Variants in PDSS2 observed in about 807,000 individuals in gnomAD.
PDSS2 encodes decaprenyl diphosphate synthase subunit 2.
PDSS2 carries 31 observed loss-of-function variants against 44.5 expected under a neutral mutation model. The ratio of observed to expected loss-of-function variants is 0.70; its 90% CI spans 0.52 to 0.94. The LOEUF is 0.94. PDSS2 is among the 40% of genes least tolerant of loss of function. The pLI is 0.00. For missense variants in PDSS2, 452 were observed against 482.2 expected (o/e 0.94, Z 0.59); for synonymous variants, 157 against 180.3 (o/e 0.87, Z 1.03).
At chr6:107,302,140 T>C (rs1776716520) in intron 2 of PDSS2, among the ~76,000 whole-genome samples, 2 of 152,182 alleles carry the variant, frequency 1.3e-5, no homozygotes, top group Non-Finnish European at 2.9e-5. Context: ...TAGCCTTCAA[T>C]GAGACTATTC....
At chr6:107,431,689 G>GA (rs900279660) in intron 1 of PDSS2, among the ~76,000 whole-genome samples, 3 of 150,012 alleles carry the variant, frequency 2.0e-5, no homozygotes, top group Non-Finnish European at 4.5e-5. Flanking sequence ...CTTGGGCAAA[G>GA]AAAAAAAAAG....
intron 4 of PDSS2, among the ~76,000 whole-genome samples, chr6:107,227,928 T>G (rs1222058876): frequency 6.6e-6 from 1 of 152,138 alleles, no homozygotes; most frequent in Non-Finnish European, 1.5e-5. Flanking sequence ...TGACCCAGGA[T>G]GGAGATAAAA....
At chr6:107,307,714 T>C (rs1776907480) in intron 2 of PDSS2, among the ~76,000 whole-genome samples, 1 of 152,176 alleles carries the variant, frequency 6.6e-6, no homozygotes. Context: ...TTGCTACCAT[T>C]ATTGTCTTCC....
chr6:107,226,006 C>T (rs1025465809), intron 4 of PDSS2, among the ~76,000 whole-genome samples: 25 of 152,140 alleles, frequency 1.6e-4, no homozygotes, highest in Non-Finnish European at 2.4e-4. Flanking sequence ...ATTGGATAAC[C>T]GCACAAAGAA....
chr6:107,389,954 T>A (rs945347637), intron 1 of PDSS2, among the ~76,000 whole-genome samples: 6 of 152,016 alleles, frequency 3.9e-5, no homozygotes, highest in Non-Finnish European at 8.8e-5. Context: ...AAGGATGGGG[T>A]TATGTCAAAG....
chr6:107,185,295 G>A (rs1772129477), intron 7 of PDSS2, among the ~76,000 whole-genome samples: 2 of 152,176 alleles, frequency 1.3e-5, no homozygotes, highest in Middle Eastern at 3.2e-3. Context: ...CCTAGGCACT[G>A]GTGAAAGAAT....
intron 1 of PDSS2, among the ~76,000 whole-genome samples, chr6:107,359,007 C>CTTTTTTTTT (rs59632305): frequency 2.3e-4 from 21 of 93,052 alleles, no homozygotes; most frequent in East Asian, 7.1e-4. Context: ...CATTCTCGCT[C>CTTTTTTTTT]TTTTTTTTTT....
intron 1 of PDSS2, among the ~76,000 whole-genome samples, chr6:107,380,755 C>T (rs572564857): frequency 1.3e-5 from 2 of 152,194 alleles, no homozygotes; most frequent in East Asian, 3.9e-4. Flanking sequence ...AGCGGTTTCC[C>T]CTGAGACCTC....
chr6:107,162,729 C>G (rs945955420), intron 7 of PDSS2, among the ~76,000 whole-genome samples: 4 of 151,178 alleles, frequency 2.6e-5, no homozygotes, highest in Admixed American at 2.6e-4. Context: ...CTCAGCCTCC[C>G]GAGTAGCTGG....
chr6:107,237,887 C>A (rs1353108597), intron 4 of PDSS2, among the ~76,000 whole-genome samples: 3 of 142,320 alleles, frequency 2.1e-5, no homozygotes, highest in Admixed American at 1.4e-4. Flanking sequence ...CAGAGCAAGA[C>A]TCCGTCTCTG....
intron 3 of PDSS2, among the ~76,000 whole-genome samples, chr6:107,250,130 A>T (rs1399655902): frequency 6.6e-6 from 1 of 152,098 alleles, no homozygotes; most frequent in Non-Finnish European, 1.5e-5. Flanking sequence ...AATTCTCATC[A>T]TAAAAAACAG....
At chr6:107,237,011 G>A (rs927476174) in intron 4 of PDSS2, among the ~76,000 whole-genome samples, 2 of 151,144 alleles carry the variant, frequency 1.3e-5, no homozygotes, top group African/African-American at 2.4e-5. Flanking sequence ...TATACTCACT[G>A]CAGCCTCAAC....
At chr6:107,315,053 A>G (rs1777159389) in intron 2 of PDSS2, among the ~76,000 whole-genome samples, 1 of 152,364 alleles carries the variant, frequency 6.6e-6, no homozygotes, top group South Asian at 2.1e-4. Context: ...ACATTAACTT[A>G]TTTTTAAACA....
chr6:107,225,722 T>C (rs570026772), intron 4 of PDSS2, among the ~76,000 whole-genome samples: 3 of 152,338 alleles, frequency 2.0e-5, no homozygotes, highest in Admixed American at 2.0e-4. Flanking sequence ...TTGATCTGCA[T>C]ACTAACCAGC....
intron 7 of PDSS2, among the ~76,000 whole-genome samples, chr6:107,187,372 T>C (rs574363837): frequency 6.6e-6 from 1 of 152,206 alleles, no homozygotes; most frequent in South Asian, 2.1e-4. Context: ...ACACAGTCAA[T>C]ATACTCTTAA....
chr6:107,356,070 T>C (rs142307325), intron 1 of PDSS2, among the ~76,000 whole-genome samples: 14 of 152,346 alleles, frequency 9.2e-5, no homozygotes, highest in Non-Finnish European at 1.5e-4. Flanking sequence ...CATTATTTGG[T>C]ATAGTAAATT....
Position 107,334,349 on chromosome 6 carries a change from A to G in PDSS2, c.297-17T>C. The G allele has an allele frequency of 6.2e-7, 1 of 1,612,056 alleles. No individual in the cohort carries two copies. Among genetic ancestry groups the G allele is most frequent in the Non-Finnish European group, 8.5e-7 (1 of 1,178,402 alleles). ...ACAAGCCCCCTGCCAACAAGCAAAG[A>G]AGGAAGAGGATTAATATACCCTCAC... On this transcript the variant is annotated splice_polypyrimidine_tract_variant and intron_variant, in intron 1 of 7. Transcript: ENST00000369037.
intron 1 of PDSS2, among the ~76,000 whole-genome samples, chr6:107,394,289 ATAAGAAAAGTGGTT>A (rs1472450229): frequency 1.3e-5 from 2 of 152,170 alleles, no homozygotes; most frequent in Admixed American, 1.3e-4. Flanking sequence ...TGGGTAATTT[ATAAGAAAAGTGGTT>A]TAACTGGCTT....
intron 3 of PDSS2, 108 bp from the exon 4 acceptor site, chr6:107,245,727 G>A (rs1392336577): frequency 2.9e-6 from 2 of 683,038 alleles, no homozygotes; most frequent in East Asian, 2.9e-5. Context: ...TTCTGTGCTT[G>A]ACAGAAAAAA....
Sources: gnomAD v4.1 joint callset for allele counts (sites outside exome capture counted in the v4.1 genomes callset) on GRCh38, gnomAD v4.1.1 for gene constraint, MANE v1.5 for transcripts, NCBI Gene and HGNC (gene_info 2026-07-23, HGNC 2026-07-21) for gene names.